ZFP2: variants seen among roughly 807,000 people sequenced by gnomAD.
The protein encoded by ZFP2 is ZFP2 zinc finger protein, also known as zinc finger protein ZFP2.
A neutral mutation model predicts 36.1 loss-of-function variants in ZFP2; 33 were observed. The observed-to-expected ratio is 0.92, with a 90% CI of 0.69 to 1.22. ZFP2 has a LOEUF of 1.22. Among genes scored for constraint, ZFP2 ranks in the 50% most tolerant of loss-of-function variants. The probability of loss-of-function intolerance (pLI) is 0.00; values close to 1 mark genes in which losing one functional copy is unlikely to be tolerated. For missense variants in ZFP2, 522 were observed against 551.4 expected, an observed-to-expected ratio of 0.95 and a Z score of 0.53; for synonymous variants, 170 against 178.0, an observed-to-expected ratio of 0.96 and a Z score of 0.36.
chr5:178,908,231 G>A (rs562198708), intron 1 of ZFP2, among the ~76,000 whole-genome samples: 32 of 152,248 alleles, frequency 2.1e-4, no homozygotes, highest in Non-Finnish European at 3.8e-4. Flanking sequence ...GGCAGATCAT[G>A]AGGTCAGGAG....
rs760994070 is a variant in ZFP2 at position 178,932,008 on chromosome 5, A to G, written c.695A>G (p.His232Arg). Residue 232 changes from histidine to arginine, a missense_variant, in exon 5 of 5, where the codon CAT becomes CGT. By Grantham distance (29) the His-to-Arg change is conservative. Transcript: ENST00000361362. ...ACCCAAAGCATGAATTTGACAGTTC[A>G]TCAGAGAACTCATACAGGAGAAAAA... ...AFTQSMNLTVHQRTHTGEKPY... is the reference protein window; with the variant it reads ...AFTQSMNLTVRQRTHTGEKPY... 1 of 1,613,814 alleles carries G rather than the reference A, an allele frequency of 6.2e-7. No homozygotes were observed. Among genetic ancestry groups the G allele is most frequent in the Non-Finnish European group, 8.5e-7 (1 of 1,179,956 alleles).
At chr5:178,930,313 C>CTTTTTTTTTTTTTTTTTTTTTTTT (rs1758799729) in intron 4 of ZFP2, among the ~76,000 whole-genome samples, 1 of 121,006 alleles carries the variant, frequency 8.3e-6, no homozygotes, top group Non-Finnish European at 1.8e-5. Flanking sequence ...TTTTCCCTTT[C>CTTTTTTTTTTTTTTTTTTTTTTTT]CTTTTTTTTT....
At chr5:178,912,541 C>T (rs2113084033) in intron 1 of ZFP2, 43 bp from the exon 2 acceptor site, 1 of 550,168 alleles carries the variant, frequency 1.8e-6, no homozygotes, top group East Asian at 1.5e-4. Context: ...TCACTCCCCT[C>T]AGAGGGTTTG....
chr5:178,903,905 C>T (rs762376698), intron 1 of ZFP2, among the ~76,000 whole-genome samples: 1 of 152,088 alleles, frequency 6.6e-6, no homozygotes, highest in Non-Finnish European at 1.5e-5. Context: ...GCAGGAGAAT[C>T]GGTTGAACCC....
intron 3 of ZFP2, among the ~76,000 whole-genome samples, chr5:178,916,172 G>A (rs1310018998): frequency 6.6e-6 from 1 of 152,116 alleles, no homozygotes; most frequent in African/African-American, 2.4e-5. Flanking sequence ...AAGGGAGAGA[G>A]GAGAGTCAAG....
intron 4 of ZFP2, among the ~76,000 whole-genome samples, chr5:178,917,520 C>T (rs1040327687): frequency 6.6e-6 from 1 of 151,932 alleles, no homozygotes; most frequent in Non-Finnish European, 1.5e-5. Flanking sequence ...GAGGCTGAAG[C>T]GTGAGAATCA....
At chr5:178,907,615 C>T (rs1758193371) in intron 1 of ZFP2, among the ~76,000 whole-genome samples, 1 of 68,202 alleles carries the variant, frequency 1.5e-5, no homozygotes, top group Admixed American at 2.2e-4. Flanking sequence ...TCATGATATT[C>T]AAAGAGATAA....
intron 4 of ZFP2, among the ~76,000 whole-genome samples, chr5:178,917,934 A>G (rs1370750339): frequency 6.6e-6 from 1 of 152,216 alleles, no homozygotes; most frequent in African/African-American, 2.4e-5. Context: ...CTGTCTGGGA[A>G]GCTTTCCCTT....
intron 1 of ZFP2, chr5:178,910,217 G>C: frequency 6.3e-7 from 1 of 1,579,820 alleles, no homozygotes; most frequent in Non-Finnish European, 8.7e-7. Flanking sequence ...TTGCAGCCTG[G>C]AACTTCCAAG....
At chr5:178,910,177 C>A in intron 1 of ZFP2, 1 of 1,530,184 alleles carries the variant, frequency 6.5e-7, no homozygotes, top group Non-Finnish European at 9.0e-7. Flanking sequence ...TTGCAGCCAT[C>A]AAAAATCTTT....
At chr5:178,928,305 T>G (rs997422716) in intron 4 of ZFP2, among the ~76,000 whole-genome samples, 1 of 152,196 alleles carries the variant, frequency 6.6e-6, no homozygotes, top group African/African-American at 2.4e-5. Context: ...CCCTAAAGTC[T>G]TAACTCGTTC....
intron 1 of ZFP2, among the ~76,000 whole-genome samples, chr5:178,906,924 A>G (rs1758178831): frequency 6.6e-6 from 1 of 151,948 alleles, no homozygotes; most frequent in Non-Finnish European, 1.5e-5. Context: ...ATCTGTTCCA[A>G]AGTGTTGGAA....
At chr5:178,896,337 C>T (rs539481809) in intron 1 of ZFP2, among the ~76,000 whole-genome samples, 6 of 152,240 alleles carry the variant, frequency 3.9e-5, no homozygotes. Flanking sequence ...CCAAGAGTCG[C>T]TCGGACCCGG....
At chr5:178,925,708 T>C (rs1401252924) in intron 4 of ZFP2, among the ~76,000 whole-genome samples, 1 of 149,504 alleles carries the variant, frequency 6.7e-6, no homozygotes, top group Non-Finnish European at 1.5e-5. Flanking sequence ...CTTAAGTGCT[T>C]ATTCAAGTCT....
intron 4 of ZFP2, among the ~76,000 whole-genome samples, chr5:178,925,428 G>C (rs1758650590): frequency 6.7e-6 from 1 of 149,272 alleles, no homozygotes; most frequent in Non-Finnish European, 1.5e-5. Context: ...CCTAGTGGTA[G>C]ACTTGCTGTA....
intron 1 of ZFP2, among the ~76,000 whole-genome samples, chr5:178,906,563 TA>T (rs1388860457): frequency 3.9e-5 from 6 of 152,130 alleles, no homozygotes; most frequent in African/African-American, 1.2e-4. Context: ...TTTATTTATT[TA>T]TTTTTTTTTG....
chr5:178,906,907 CT>C (rs1373008733), intron 1 of ZFP2, among the ~76,000 whole-genome samples: 14 of 151,392 alleles, frequency 9.2e-5, no homozygotes, highest in Admixed American at 4.6e-4. Context: ...AAAAGATTCC[CT>C]TTTTAATCTG....
chr5:178,905,731 TG>T (rs1478185097), intron 1 of ZFP2, among the ~76,000 whole-genome samples: 4 of 152,146 alleles, frequency 2.6e-5, no homozygotes, highest in African/African-American at 9.6e-5. Context: ...CTAAGTTCCA[TG>T]TTCACTTTCT....
rs140380469 is a variant in ZFP2, at chr5:178,931,325, A to C, written c.12A>C (p.Glu4Asp). The C allele has an allele frequency of 1.4e-4, 230 of 1,596,176 alleles. 3 individuals carry two copies. The highest frequency in any genetic ancestry group is 1.2e-3 in the South Asian group (107 of 87,726). The change falls in exon 5 of 5, where the codon GAA (glutamate) becomes GAC (aspartate). Residue 4 changes from glutamate (E) to aspartate (D), a missense_variant. Physicochemically the swap from Glu to Asp is conservative, Grantham distance 45. Coordinates refer to ENST00000361362, the MANE Select transcript of ZFP2 (RefSeq NM_030613.4). MER[E>D]GIWHSTLGET... ...GCCATGGGGTAACAATGGAAAGGGA[A>C]GGTATCTGGCATTCTACTCTAGGGG...
Sources: allele counts gnomAD v4.1 joint callset (sites outside exome capture counted in the v4.1 genomes callset), GRCh38; gene constraint gnomAD v4.1.1; transcripts MANE v1.5; gene names NCBI Gene and HGNC (gene_info 2026-07-23, HGNC 2026-07-21).